Variants in GSTA1 observed in about 807,000 individuals in gnomAD.
GSTA1 encodes the protein glutathione S-transferase A1.
GSTA1 carries 23 observed loss-of-function variants against 21.5 expected under a neutral mutation model. The observed-to-expected ratio is 1.07, with a 90% CI of 0.77 to 1.52. The LOEUF is 1.52. GSTA1 is among the 40% of genes most tolerant of loss of function. The pLI, the probability that GSTA1 is intolerant of heterozygous loss-of-function variation, is 0.00. For missense variants in GSTA1, 301 were observed against 264.2 expected, an observed-to-expected ratio of 1.14 and a Z score of -0.96; for synonymous variants, 125 against 90.0, an observed-to-expected ratio of 1.39 and a Z score of -2.20.
At chr6:52,792,741 G>C in intron 6 of GSTA1, 115 bp downstream of exon 6, 6 of 1,609,056 alleles carry the variant, frequency 3.7e-6, no homozygotes, top group Non-Finnish European at 5.1e-6. Context: ...GGAGACCTTG[G>C]GGCACTGAAG....
At chr6:52,800,782 C>G (rs1210586417) in intron 1 of GSTA1, among the ~76,000 whole-genome samples, 2 of 152,134 alleles carry the variant, frequency 1.3e-5, no homozygotes, top group Non-Finnish European at 2.9e-5. Context: ...CTCCAAACCC[C>G]CAGCTCTGAT....
intron 3 of GSTA1, among the ~76,000 whole-genome samples, chr6:52,796,543 A>ATATTTTTTTTTT (rs1300549721): frequency 8.4e-5 from 2 of 23,760 alleles, no homozygotes; most frequent in Non-Finnish European, 2.1e-4. Flanking sequence ...ATATATATAT[A>ATATTTTTTTTTT]TTTTTTTTTT....
chr6:52,793,769 C>T (rs867319742), intron 5 of GSTA1, among the ~76,000 whole-genome samples: 10 of 152,152 alleles, frequency 6.6e-5, no homozygotes, highest in Non-Finnish European at 1.0e-4. Flanking sequence ...TCTGATGGAT[C>T]GCTTTCATCA....
chr6:52,791,622 C>A lies in GSTA1; in HGVS notation c.*236G>T. On this transcript the variant is annotated 3_prime_UTR_variant, in exon 7 of 7. Transcript: ENST00000334575. The stretch of plus-strand genomic sequence containing the variant: ...TCCTTTTTTACTGAATTTTTAATTC[C>A]AGGAAAATGGTTGGCTAGGAGAAGA... The A allele has an allele frequency of 2.3e-6, 1 of 439,420 alleles. No homozygotes were observed. Among genetic ancestry groups the A allele is most frequent in the Non-Finnish European group, 3.9e-6 (1 of 257,042 alleles). The allele number at this position is 439,420 out of a possible 1,614,324, so 27.2% of individuals were successfully genotyped here.
intron 1 of GSTA1, among the ~76,000 whole-genome samples, chr6:52,802,525 G>A (rs1244515432): frequency 6.6e-6 from 1 of 152,194 alleles, no homozygotes; most frequent in Non-Finnish European, 1.5e-5. Flanking sequence ...TTGTCCCAGT[G>A]CTTGGAAGAT....
chr6:52,794,243 A>G lies in GSTA1; in HGVS notation c.296T>C (p.Ile99Thr), dbSNP rs113736593. 2.7e-4 allele frequency: 441 copies of G among 1,613,528 alleles called. 3 individuals are homozygous for G. The African/African-American group carries it at 3.7e-3, about 14-fold the overall frequency. The change falls in exon 5 of 7, where the codon ATA becomes ACA. Residue 99 changes from isoleucine to threonine, a missense_variant. By Grantham distance (89) the Ile-to-Thr change is moderately conservative. Transcript: ENST00000334575. Reference sequence around the variant, plus strand: ...GAGGATCATTTCACCCAAATCTGCTATACCTTCTATATACATATCAATCCT... The same window carrying G: ...GAGGATCATTTCACCCAAATCTGCTGTACCTTCTATATACATATCAATCCT... ...RALIDMYIEG[I>T]ADLGEMILLL...
chr6:52,793,133 C>G, intron 5 of GSTA1, 146 bp from the exon 6 acceptor site: 1 of 1,141,456 alleles, frequency 8.8e-7, no homozygotes, highest in Admixed American at 1.9e-5. Context: ...TCCACATTAT[C>G]TGAATGAATG....
intron 3 of GSTA1, 83 bp from the exon 4 acceptor site, chr6:52,796,397 T>A (rs1763583005): frequency 6.4e-7 from 1 of 1,567,242 alleles, no homozygotes; most frequent in South Asian, 1.2e-5. Flanking sequence ...TGGAAATGAC[T>A]AAATTTGTAA....
chr6:52,794,302 T>C, intron 4 of GSTA1, 36 bp from the exon 5 acceptor site: 2 of 1,588,138 alleles, frequency 1.3e-6, no homozygotes, highest in East Asian at 4.5e-5. Context: ...TCAAATACCT[T>C]TTGCCTTAGA....
intron 5 of GSTA1, among the ~76,000 whole-genome samples, 195 bp from the exon 6 acceptor site, chr6:52,793,182 T>G (rs1763500301): frequency 1.3e-5 from 2 of 152,176 alleles, no homozygotes; most frequent in East Asian, 1.9e-4. Flanking sequence ...TCCTCAGTTG[T>G]AGCTCAGGCT....
At chr6:52,799,151 C>T (rs762639983) in intron 2 of GSTA1, 30 bp downstream of exon 2, 27 of 1,597,668 alleles carry the variant, frequency 1.7e-5, no homozygotes, top group Middle Eastern at 3.3e-4. Context: ...ATTTTAAATC[C>T]AACTTAAGAT....
chr6:52,793,238 C>A (rs1341461179), intron 5 of GSTA1, among the ~76,000 whole-genome samples: 1 of 152,134 alleles, frequency 6.6e-6, no homozygotes, highest in Non-Finnish European at 1.5e-5. Context: ...TCTACACCAC[C>A]CACGCAGCTT....
At chr6:52,802,695 T>G (rs1221167656) in intron 1 of GSTA1, among the ~76,000 whole-genome samples, 1 of 152,222 alleles carries the variant, frequency 6.6e-6, no homozygotes, top group Non-Finnish European at 1.5e-5. Context: ...AATCGTTCTA[T>G]GTATCTATCT....
intron 5 of GSTA1, among the ~76,000 whole-genome samples, chr6:52,793,924 T>G (rs1009671687): frequency 6.6e-6 from 1 of 152,206 alleles, no homozygotes; most frequent in African/African-American, 2.4e-5. Context: ...AAAATTTTAC[T>G]GGAAAAGTAT....
intron 4 of GSTA1, among the ~76,000 whole-genome samples, chr6:52,795,723 T>C (rs556748304): frequency 4.1e-4 from 63 of 152,282 alleles, no homozygotes; most frequent in Non-Finnish European, 7.1e-4. Context: ...GTTGATATAC[T>C]TGGTTGGTAA....
chr6:52,799,648 C>T (rs994123614), intron 1 of GSTA1, among the ~76,000 whole-genome samples: 1 of 152,212 alleles, frequency 6.6e-6, no homozygotes, highest in Non-Finnish European at 1.5e-5. Context: ...CAATGCTAGT[C>T]CCTTTCAATA....
At chr6:52,792,370 G>A (rs1763478453) in intron 6 of GSTA1, among the ~76,000 whole-genome samples, 1 of 152,186 alleles carries the variant, frequency 6.6e-6, no homozygotes, top group South Asian at 2.1e-4. Flanking sequence ...AAATATTAAA[G>A]ACAAACCATG....
rs1763498544 is a variant in GSTA1 at position 52,793,070 on chromosome 6, A to G, written c.415-83T>C. The G allele has an allele frequency of 2.5e-6, 4 of 1,596,168 alleles. No homozygotes were observed. In the East Asian group the frequency reaches 6.7e-5, roughly 27 times the overall value. On this transcript the variant is annotated intron_variant, in intron 5 of 6. Coordinates refer to ENST00000334575, the MANE Select transcript of GSTA1 (RefSeq NM_145740.5). ...CTTCTTTCGGAGCCTCTCCACCCTG[A>G]CTTTCCCCACCTCTGTTGCCTTACT...
chr6:52,792,056 G>A (rs186864181), intron 6 of GSTA1, 76 bp from the exon 7 acceptor site: 2 of 1,593,116 alleles, frequency 1.3e-6, no homozygotes, highest in African/African-American at 1.4e-5. Context: ...GGGAATCTGA[G>A]CCCCTCCTGC....
Sources: gnomAD v4.1 joint callset for allele counts (sites outside exome capture counted in the v4.1 genomes callset) on GRCh38, gnomAD v4.1.1 for gene constraint, MANE v1.5 for transcripts, NCBI Gene and HGNC (gene_info 2026-07-23, HGNC 2026-07-21) for gene names.